MAPKAPK5: variants seen among roughly 807,000 people sequenced by gnomAD.
The protein encoded by MAPKAPK5 is MAP kinase-activated protein kinase 5.
In MAPKAPK5, 30 loss-of-function variants were observed where a neutral mutation model predicts 65.1. That is an observed-to-expected ratio of 0.46 (90% CI 0.34 to 0.63). The LOEUF is 0.63. Ranked by LOEUF, MAPKAPK5 falls within the 20% of genes least tolerant of loss-of-function variation. MAPKAPK5 has a pLI of 0.01. For missense variants in MAPKAPK5, 433 were observed against 581.4 expected (o/e 0.74, Z 2.63); for synonymous variants, 179 against 204.6 (o/e 0.87, Z 1.07).
chr12:111,845,939 C>T (rs1293318271), intron 1 of MAPKAPK5, among the ~76,000 whole-genome samples: 3 of 152,046 alleles, frequency 2.0e-5, no homozygotes, highest in African/African-American at 7.2e-5. Flanking sequence ...ATAATAATAC[C>T]TAACAGCAAG....
intron 1 of MAPKAPK5, among the ~76,000 whole-genome samples, chr12:111,855,650 A>AC (rs2069208996): frequency 6.6e-6 from 1 of 151,666 alleles, no homozygotes; most frequent in Admixed American, 6.6e-5. Context: ...AATATGGTGA[A>AC]CCCCCATCTC....
intron 1 of MAPKAPK5, among the ~76,000 whole-genome samples, chr12:111,863,755 C>T (rs546771877): frequency 4.6e-5 from 7 of 151,884 alleles, no homozygotes; most frequent in South Asian, 4.2e-4. Context: ...TACAGGCATG[C>T]GCCACCATGC....
chr12:111,893,088 A>ATAATTTTT lies in MAPKAPK5; in HGVS notation c.*27_*28insTAATTTTT. The ATAATTTTT allele has an allele frequency of 6.8e-7, 1 of 1,465,566 alleles. No homozygotes were observed. The highest frequency in any genetic ancestry group is 9.2e-7 in the Non-Finnish European group (1 of 1,088,514). The allele number at this position is 1,465,566 out of a possible 1,614,324, so 90.8% of individuals were successfully genotyped here. ...GACAGCTTCAGACTTTGTTTTTTTA[A>ATAATTTTT]CAATTTGAAAAATTATTCTTTAATG... On this transcript the variant is annotated 3_prime_UTR_variant, in exon 14 of 14. Transcript: ENST00000550735.
At chr12:111,878,759 T>G (rs2070087326) in intron 7 of MAPKAPK5, among the ~76,000 whole-genome samples, 1 of 152,120 alleles carries the variant, frequency 6.6e-6, no homozygotes, top group Non-Finnish European at 1.5e-5. Flanking sequence ...GAAGCAACCG[T>G]TCATGAAAAA....
intron 6 of MAPKAPK5, 75 bp from the exon 7 acceptor site, chr12:111,871,010 T>A: frequency 9.3e-7 from 1 of 1,075,522 alleles, no homozygotes; most frequent in Non-Finnish European, 1.4e-6. Flanking sequence ...CAGGGTAACA[T>A]GTCTTACACC....
At chr12:111,868,958 TA>T in intron 5 of MAPKAPK5, 97 bp downstream of exon 5, 1 of 906,406 alleles carries the variant, frequency 1.1e-6, no homozygotes, top group Non-Finnish European at 1.7e-6. Flanking sequence ...AGAAAAGCTC[TA>T]TTTGACTTCT....
intron 1 of MAPKAPK5, 59 bp downstream of exon 1, chr12:111,842,828 A>G: frequency 4.0e-6 from 5 of 1,265,432 alleles, no homozygotes; most frequent in Non-Finnish European, 4.0e-6. Context: ...TCTCGGCTCT[A>G]GCCTCAAAAA....
Position 111,866,206 on chromosome 12 carries a change from T to C in MAPKAPK5, c.161T>C (p.Leu54Pro), listed in dbSNP as rs765989660. The change falls in exon 3 of 14, where the codon CTT becomes CCT. Residue 54 changes from leucine to proline, a missense_variant. Around this residue, in one of 3 missense-constraint regions of MAPKAPK5, gnomAD observed 165 missense variants for 180.0 expected, o/e 0.92. Coordinates refer to ENST00000550735, the MANE Select transcript of MAPKAPK5 (RefSeq NM_003668.4). Reference protein sequence around the residue: ...TQERFALKILLDRPKARNEVR... With the variant: ...TQERFALKILPDRPKARNEVR... ...GAACGGTTTGCGCTGAAAATTCTTC[T>C]TGATCGTCCAAAAGCTAGAAATGAG... 1.9e-6 allele frequency: 3 copies of C among 1,612,516 alleles called. No individual in the cohort carries two copies. The highest frequency in any genetic ancestry group is 1.3e-5 in the African/African-American group (1 of 75,064).
intron 4 of MAPKAPK5, 91 bp downstream of exon 4, chr12:111,867,760 C>G: frequency 1.1e-6 from 1 of 928,724 alleles, no homozygotes; most frequent in Non-Finnish European, 1.7e-6. Context: ...CTCCCCTTCC[C>G]TCTCCTTCTT....
intron 1 of MAPKAPK5, among the ~76,000 whole-genome samples, chr12:111,859,652 CTTTTT>C (rs758102057): frequency 9.4e-6 from 1 of 106,132 alleles, no homozygotes; most frequent in African/African-American, 3.8e-5. Context: ...CTTTGCTTTT[CTTTTT>C]TTTTTTTTTG....
chr12:111,875,404 A>AT (rs1341891414), intron 7 of MAPKAPK5, among the ~76,000 whole-genome samples: 4 of 151,708 alleles, frequency 2.6e-5, no homozygotes, highest in African/African-American at 9.7e-5. Context: ...TTTAAAAAAA[A>AT]TTTTTTTAAA....
intron 13 of MAPKAPK5, among the ~76,000 whole-genome samples, chr12:111,890,424 A>T (rs1306164179): frequency 1.3e-5 from 2 of 152,120 alleles, no homozygotes; most frequent in Admixed American, 6.6e-5. Context: ...GGGTAAAAAA[A>T]ACCCCCAAAT....
chr12:111,862,158 C>G (rs1010410791), intron 1 of MAPKAPK5, among the ~76,000 whole-genome samples: 1 of 151,418 alleles, frequency 6.6e-6, no homozygotes, highest in South Asian at 2.1e-4. Context: ...TGTGTGTTAA[C>G]TTTTTTGGCC....
chr12:111,888,745 G>A, intron 11 of MAPKAPK5, 127 bp downstream of exon 11: 3 of 1,512,230 alleles, frequency 2.0e-6, no homozygotes, highest in Non-Finnish European at 1.8e-6. Context: ...GAGAGGATAA[G>A]TTCTTTAAAT....
chr12:111,871,062 A>G, intron 6 of MAPKAPK5, 23 bp from the exon 7 acceptor site: 1 of 1,577,748 alleles, frequency 6.3e-7, no homozygotes, highest in Non-Finnish European at 8.7e-7. Flanking sequence ...TGGAGCAGTG[A>G]CTCCTTTTTT....
rs2070936305 is a variant in MAPKAPK5 at position 111,899,233 on chromosome 12, C to G, written c.*6172C>G. On this transcript the variant is annotated 3_prime_UTR_variant, in exon 14 of 14. Transcript: ENST00000550735. ...GGAGAGCTCTGCTGATGGACATAGG[C>G]CCAGAATCATTAACTGATTTATTTG... The G allele has an allele frequency of 6.6e-6, 1 of 152,504 alleles. No homozygotes were observed. The highest frequency in any genetic ancestry group is 1.9e-4 in the East Asian group (1 of 5,186). The allele number at this position is 152,504 out of a possible 1,614,324, so 9.4% of individuals were successfully genotyped here.
At chr12:111,848,411 C>CA (rs1322885592) in intron 1 of MAPKAPK5, among the ~76,000 whole-genome samples, 3 of 142,624 alleles carry the variant, frequency 2.1e-5, no homozygotes, top group Admixed American at 7.1e-5. Context: ...TCTTTTGCCC[C>CA]ATTTTTTTTT....
Position 111,900,956 on chromosome 12 carries a change from C to T in MAPKAPK5, c.*7895C>T, listed in dbSNP as rs1372113863. ...ACAATTCAATGAACAGCAAAGGGGA[C>T]CAATTTGGAAACTGTGGCATTTCTA... On this transcript the variant is annotated 3_prime_UTR_variant, in exon 14 of 14. Coordinates refer to ENST00000550735, the MANE Select transcript of MAPKAPK5 (RefSeq NM_003668.4). 1 of 455,984 alleles carries T rather than the reference C, an allele frequency of 2.2e-6. No homozygotes were observed. The highest frequency in any genetic ancestry group is 2.3e-5 in the Admixed American group (1 of 42,566). 28.2% of individuals were successfully genotyped at this position (455,984 alleles called of 1,614,324 possible). A position where few individuals can be genotyped will look rare whatever the true frequency, so the allele number is the denominator to read the frequency against.
At chr12:111,867,812 A>C (rs2069662272) in intron 4 of MAPKAPK5, 143 bp downstream of exon 4, 1 of 652,978 alleles carries the variant, frequency 1.5e-6, no homozygotes, top group East Asian at 2.6e-5. Context: ...CTCCCCCTCC[A>C]TCTCCCTTTT....
Sources: gnomAD v4.1 joint callset for allele counts (sites outside exome capture counted in the v4.1 genomes callset) on GRCh38, gnomAD v4.1.1 for gene constraint, gnomAD v4.1.1 regional missense constraint, MANE v1.5 for transcripts, NCBI Gene and HGNC (gene_info 2026-07-23, HGNC 2026-07-21) for gene names.